ZFYVE26: variants seen among roughly 807,000 people sequenced by gnomAD.
ZFYVE26 encodes zinc finger FYVE-type containing 26, also known as zinc finger FYVE domain-containing protein 26.
Under a neutral mutation model 276.5 loss-of-function variants are expected in ZFYVE26, and 181 were observed. The observed-to-expected ratio is 0.65, with a 90% CI of 0.58 to 0.74. ZFYVE26 has a LOEUF of 0.74. ZFYVE26 is among the 30% of genes least tolerant of loss of function. The pLI is 0.00. For synonymous variants in ZFYVE26, 1,129 were observed against 1,203.1 expected (o/e 0.94, Z 1.27); for missense variants, 2,821 against 3,097.9 (o/e 0.91, Z 2.12).
chr14:67,730,971 A>G (rs1198861779), intron 13 of ZFYVE26, among the ~76,000 whole-genome samples: 2 of 152,148 alleles, frequency 1.3e-5, no homozygotes, highest in Admixed American at 1.3e-4. Flanking sequence ...ATCTCATTTT[A>G]TATTTTTAAA....
At chr14:67,738,630 G>C (rs1367317040) in intron 13 of ZFYVE26, among the ~76,000 whole-genome samples, 2 of 151,866 alleles carry the variant, frequency 1.3e-5, no homozygotes, top group African/African-American at 4.8e-5. Flanking sequence ...TACATATATA[G>C]GTATGTAAAA....
chr14:67,793,255 T>A (rs933798882), intron 14 of ZFYVE26, among the ~76,000 whole-genome samples: 1 of 151,162 alleles, frequency 6.6e-6, no homozygotes. Context: ...AGACTCTGTC[T>A]CAAACAAACA....
At chr14:67,807,372 A>C (rs1319710589) in intron 5 of ZFYVE26, 26 bp downstream of exon 5, 5 of 1,613,606 alleles carry the variant, frequency 3.1e-6, no homozygotes, top group East Asian at 2.2e-5. Flanking sequence ...ACTGAAACTA[A>C]AGGAGCAGCA....
In ZFYVE26 at chr14:67,798,558, G is replaced by C. The variant is rs373958917; in HGVS notation, c.1704C>G (p.Asp568Glu). The C allele has an allele frequency of 3.1e-6, 5 of 1,614,150 alleles. No individual in the cohort carries two copies. The highest frequency in any genetic ancestry group is 4.2e-6 in the Non-Finnish European group (5 of 1,180,034). ...TTTCCAGAAGCTCCAGGCACAGAGA[G>C]TCAGGAATACTGCACAGATACTGTT... ...RCQQYLCSIP[D>E]SLCLELLENI... The change falls in exon 11 of 42, where the codon GAC (aspartate) becomes GAG (glutamate). Residue 568 changes from aspartate (D) to glutamate (E), a missense_variant. Asp to Glu is a conservative substitution (Grantham distance 45). Transcript: ENST00000347230.
chr14:67,732,599 G>C (rs1186518149), intron 13 of ZFYVE26, among the ~76,000 whole-genome samples: 1 of 149,888 alleles, frequency 6.7e-6, no homozygotes, highest in Non-Finnish European at 1.5e-5. Flanking sequence ...TTTTTGAGAC[G>C]GAGTTTCGGT....
rs117864964 is a variant in ZFYVE26 at position 67,731,636 on chromosome 14, A to C, written n.2680-1817T>G. ...TCATATTTTAATATAATATGTAATT[A>C]ATATAAAAATGTTAGTGATATAATG... On this transcript the variant is annotated intron_variant and non_coding_transcript_variant, in intron 13 of 14. Coordinates refer to the ZFYVE26 transcript ENST00000394455. Among the ~76,000 whole-genome samples, 663 of 152,150 alleles carry C rather than the reference A, an allele frequency of 4.4e-3. 34 individuals carry two copies. In the East Asian group the frequency reaches 0.1, roughly 23 times the overall value.
exon 14 of ZFYVE26, chr14:67,729,553 T>A: frequency 1.4e-6 from 1 of 694,146 alleles, no homozygotes; most frequent in East Asian, 2.7e-5. Flanking sequence ...AGTACAAACT[T>A]ATGTGTTGGG....
In ZFYVE26 at chr14:67,729,655, G is replaced by A. The variant is rs143792801; in HGVS notation, n.2844C>T. On this transcript the variant is annotated non_coding_transcript_exon_variant, in exon 14 of 15. Transcript: ENST00000394455. Reference sequence around the variant, plus strand: ...CTGAAAGCTTTTAAAGAAGACTGTCGCTGTTGGTTATGCCATGGAGATCTG... The same window carrying A: ...CTGAAAGCTTTTAAAGAAGACTGTCACTGTTGGTTATGCCATGGAGATCTG... 2.7e-4 allele frequency: 164 copies of A among 599,680 alleles called. 1 individual carries two copies. Among genetic ancestry groups the A allele is most frequent in the African/African-American group, 2.4e-3 (129 of 53,970 alleles). 37.1% of individuals were successfully genotyped at this position (599,680 alleles called of 1,614,324 possible). A position where few individuals can be genotyped will look rare whatever the true frequency, so the allele number is the denominator to read the frequency against.
chr14:67,751,402 T>C lies in ZFYVE26; in HGVS notation c.7372-306A>G, dbSNP rs751426436. On this transcript the variant is annotated intron_variant, in intron 40 of 41. Coordinates refer to ENST00000347230, the MANE Select transcript of ZFYVE26 (RefSeq NM_015346.4). ...TCCTGGGAGGTCACCAAATGGATCA[T>C]GAACTTAGTGCAAGCACTAAGTTCT... The C allele has an allele frequency of 4.1e-4, 192 of 473,178 alleles. 1 individual carries two copies. The highest frequency in any genetic ancestry group is 6.1e-4 in the Middle Eastern group (1 of 1,632). The allele number at this position is 473,178 out of a possible 1,614,324, so 29.3% of individuals were successfully genotyped here.
At chr14:67,766,097 A>G in intron 32 of ZFYVE26, 130 bp downstream of exon 32, 4 of 920,336 alleles carry the variant, frequency 4.3e-6, no homozygotes, top group South Asian at 2.8e-5. Flanking sequence ...TCAACATTAC[A>G]CAGATGAAAA....
chr14:67,791,521 A>G (rs8011120), intron 14 of ZFYVE26, among the ~76,000 whole-genome samples: 103,895 of 151,994 alleles, frequency 0.68, 35,985 homozygotes, highest in East Asian at 0.98. Flanking sequence ...GGCCAAAAAA[A>G]TAAATTTTTA....
chr14:67,767,808 A>G lies in ZFYVE26; in HGVS notation c.5686T>C (p.Tyr1896His), dbSNP rs1483342162. 1.2e-6 allele frequency: 2 copies of G among 1,614,192 alleles called. No homozygotes were observed. Among genetic ancestry groups the G allele is most frequent in the East Asian group, 2.2e-5 (1 of 44,874 alleles). The change falls in exon 31 of 42, where the codon TAC becomes CAC. Residue 1896 changes from tyrosine to histidine, a missense_variant. Physicochemically the swap from Tyr to His is moderately conservative, Grantham distance 83. Coordinates refer to ENST00000347230, the MANE Select transcript of ZFYVE26 (RefSeq NM_015346.4). The stretch of plus-strand genomic sequence containing the variant: ...TTGGGGACTCTCACCACAAACGAGT[A>G]TGGAGGGCTTTCATTCTTGGAGCTG... Reference protein sequence around the residue: ...LDSSKNESPPYSFVVRVPKAD... With the variant: ...LDSSKNESPPHSFVVRVPKAD...
intron 27 of ZFYVE26, 22 bp downstream of exon 27, chr14:67,774,994 A>T: frequency 6.3e-7 from 1 of 1,575,296 alleles, no homozygotes; most frequent in Non-Finnish European, 8.7e-7. Flanking sequence ...AATTTTAGTG[A>T]ATCATCAGAG....
In ZFYVE26 at chr14:67,784,340, G is replaced by C; in HGVS notation, c.3620C>G (p.Pro1207Arg). The change falls in exon 20 of 42, where the codon CCA becomes CGA. Residue 1207 changes from proline to arginine, a missense_variant. By Grantham distance (103) the Pro-to-Arg change is moderately radical (BLOSUM62 -2). Transcript: ENST00000347230. ...SHLLFERQVP[P>R]ERLAALLAQE... is the part of the protein sequence containing the mutation. ...GCATGGAGGTGGCTCCTACCTCTCT[G>C]GGGGAACTTGTCTCTCAAACAGGAG... The C allele has an allele frequency of 6.2e-7, 1 of 1,613,840 alleles. No homozygotes were observed. Among genetic ancestry groups the C allele is most frequent in the Middle Eastern group, 1.7e-4 (1 of 6,060 alleles).
chr14:67,757,926 G>A (rs978731241), intron 35 of ZFYVE26, among the ~76,000 whole-genome samples: 4 of 151,966 alleles, frequency 2.6e-5, no homozygotes, highest in African/African-American at 9.7e-5. Flanking sequence ...TGTTGGCCAG[G>A]CTGGTCTCAA....
intron 10 of ZFYVE26, among the ~76,000 whole-genome samples, chr14:67,799,988 G>C (rs925884150): frequency 6.6e-6 from 1 of 152,148 alleles, no homozygotes; most frequent in Non-Finnish European, 1.5e-5. Flanking sequence ...TACCCAGCTA[G>C]AATACCTTCC....
intron 3 of ZFYVE26, among the ~76,000 whole-genome samples, chr14:67,810,951 C>T (rs1392265947): frequency 6.6e-6 from 1 of 152,152 alleles, no homozygotes; most frequent in Admixed American, 6.6e-5. Flanking sequence ...ACCTAACTAT[C>T]TCCATTCATG....
At chr14:67,811,032 A>G (rs2040289800) in intron 3 of ZFYVE26, among the ~76,000 whole-genome samples, 1 of 152,194 alleles carries the variant, frequency 6.6e-6, no homozygotes, top group Non-Finnish European at 1.5e-5. Flanking sequence ...TCTTCTAACC[A>G]TGTACTTCCC....
chr14:67,733,895 G>A (rs568783082), intron 13 of ZFYVE26: 1 of 1,422,016 alleles, frequency 7.0e-7, no homozygotes, highest in South Asian at 1.2e-5. Flanking sequence ...ATGCCATAAT[G>A]AACAGGGACC....
Sources: allele counts gnomAD v4.1 joint callset (sites outside exome capture counted in the v4.1 genomes callset), GRCh38; gene constraint gnomAD v4.1.1; transcripts MANE v1.5; gene names NCBI Gene and HGNC (gene_info 2026-07-23, HGNC 2026-07-21).